SIGLEC5: variants seen among roughly 807,000 people sequenced by gnomAD.
SIGLEC5 encodes the protein sialic acid-binding Ig-like lectin 5.
SIGLEC5 carries 34 observed loss-of-function variants against 45.9 expected under a neutral mutation model. That is an observed-to-expected ratio of 0.74 (90% CI 0.56 to 0.99). SIGLEC5 has a LOEUF of 0.99. Among genes scored for constraint, SIGLEC5 ranks in the 50% least tolerant of loss-of-function variants. SIGLEC5 has a pLI of 0.00. For synonymous variants in SIGLEC5, 203 were observed against 258.6 expected (o/e 0.79, Z 2.06); for missense variants, 508 against 629.6 (o/e 0.81, Z 2.07).
intron 7 of SIGLEC5, among the ~76,000 whole-genome samples, chr19:51,626,445 G>A (rs1455937020): frequency 6.6e-6 from 1 of 152,104 alleles, no homozygotes; most frequent in African/African-American, 2.4e-5. Context: ...AATCAAATGC[G>A]TTCCATTTAT....
intron 8 of SIGLEC5, among the ~76,000 whole-genome samples, chr19:51,614,978 A>G (rs923202658): frequency 2.6e-5 from 4 of 151,950 alleles, no homozygotes; most frequent in African/African-American, 4.9e-5. Flanking sequence ...AAAAACAGAG[A>G]GGTTCATTAG....
chr19:51,623,031 A>G (rs1983349923), intron 8 of SIGLEC5, among the ~76,000 whole-genome samples: 1 of 152,166 alleles, frequency 6.6e-6, no homozygotes, highest in Admixed American at 6.5e-5. Flanking sequence ...ATGGACACTT[A>G]GGTTGCTTCT....
chr19:51,629,006 G>T, intron 4 of SIGLEC5, 32 bp downstream of exon 4: 2 of 1,605,958 alleles, frequency 1.2e-6, no homozygotes, highest in South Asian at 2.2e-5. Flanking sequence ...CCCAGAGGCA[G>T]GTCCCAGCTT....
chr19:51,628,854 C>T (rs1461688498), intron 4 of SIGLEC5, among the ~76,000 whole-genome samples, 184 bp downstream of exon 4: 2 of 137,786 alleles, frequency 1.5e-5, no homozygotes, highest in Non-Finnish European at 3.1e-5. Flanking sequence ...TGCATGTGTG[C>T]GTGTGTATGT....
At chr19:51,620,289 T>C (rs902410095) in intron 8 of SIGLEC5, among the ~76,000 whole-genome samples, 1 of 152,062 alleles carries the variant, frequency 6.6e-6, no homozygotes, top group Non-Finnish European at 1.5e-5. Flanking sequence ...CTCAATCTTA[T>C]CTTGATACCC....
At chr19:51,617,684 C>T (rs1324186221) in intron 8 of SIGLEC5, among the ~76,000 whole-genome samples, 1 of 151,776 alleles carries the variant, frequency 6.6e-6, no homozygotes, top group Non-Finnish European at 1.5e-5. Flanking sequence ...AACTGAAAAC[C>T]CACTGGGGGG....
chr19:51,622,417 G>A (rs961987428), intron 8 of SIGLEC5, among the ~76,000 whole-genome samples: 4 of 151,522 alleles, frequency 2.6e-5, no homozygotes, highest in African/African-American at 9.7e-5. Context: ...GGGATTACAG[G>A]CGTGAGCCAC....
intron 3 of SIGLEC5, 35 bp downstream of exon 3, chr19:51,629,323 C>T (rs1335536676): frequency 6.2e-7 from 1 of 1,612,212 alleles, no homozygotes; most frequent in African/African-American, 1.3e-5. Flanking sequence ...TCCCACTGCC[C>T]TTGAGGACTC....
At position 51,626,112 on chromosome 19, in the gene SIGLEC5, C is replaced by T; in HGVS notation, c.1384G>A (p.Val462Met). 1.9e-6 allele frequency: 3 copies of T among 1,613,588 alleles called. No individual in the cohort carries two copies. Among genetic ancestry groups the T allele is most frequent in the Non-Finnish European group, 2.5e-6 (3 of 1,179,988 alleles). ...ICLCLIFFLI[V>M]KARRKQAAGR... ...GCTGCTTGCTTCCTGCGGGCTTTCACTCTAAGGAAAGAAACCAGCACAGTG... is the reference window on the plus strand; with the variant it reads ...GCTGCTTGCTTCCTGCGGGCTTTCATTCTAAGGAAAGAAACCAGCACAGTG... Residue 462 changes from valine (V) to methionine (M), a missense_variant and splice_region_variant, in exon 8 of 9, where the codon GTG becomes ATG. This residue lies in a region of SIGLEC5 where 431 missense variants were observed against 428.8 expected (regional missense o/e 1.01). Coordinates refer to ENST00000683636, the MANE Select transcript of SIGLEC5 (RefSeq NM_003830.4).
At chr19:51,628,973 C>A in intron 4 of SIGLEC5, 65 bp downstream of exon 4, 1 of 1,467,704 alleles carries the variant, frequency 6.8e-7, no homozygotes, top group South Asian at 1.2e-5. Context: ...AGCTCTGATT[C>A]TCTACCTCTG....
chr19:51,626,248 G>T, intron 7 of SIGLEC5, 135 bp from the exon 8 acceptor site: 1 of 673,238 alleles, frequency 1.5e-6, no homozygotes, highest in Non-Finnish European at 2.6e-6. Flanking sequence ...AGACCTTCCT[G>T]ACTTCGGAGT....
chr19:51,615,068 T>A (rs1218153664), intron 8 of SIGLEC5, among the ~76,000 whole-genome samples: 2 of 152,172 alleles, frequency 1.3e-5, no homozygotes, highest in Non-Finnish European at 2.9e-5. Context: ...GACCATGCTG[T>A]GCCTCGCTTT....
At chr19:51,621,584 C>G (rs1983283324) in intron 8 of SIGLEC5, 1 of 152,216 alleles carries the variant, frequency 6.6e-6, no homozygotes, top group Non-Finnish European at 1.5e-5. Flanking sequence ...ATTACACTTG[C>G]ATCAAACCCA....
chr19:51,621,257 A>G (rs1468377172), intron 8 of SIGLEC5: 1 of 152,168 alleles, frequency 6.6e-6, no homozygotes, highest in African/African-American at 2.4e-5. Context: ...CAACCCCATC[A>G]ATATAGGAAA....
intron 8 of SIGLEC5, among the ~76,000 whole-genome samples, chr19:51,622,582 G>C (rs924736506): frequency 5.3e-5 from 8 of 152,126 alleles, no homozygotes; most frequent in African/African-American, 1.9e-4. Context: ...ATGACTCAGG[G>C]ACAGTAAAAT....
intron 8 of SIGLEC5, among the ~76,000 whole-genome samples, chr19:51,623,247 G>A (rs1983358679): frequency 6.6e-6 from 1 of 152,048 alleles, no homozygotes; most frequent in African/African-American, 2.4e-5. Context: ...ATCTTAGGAT[G>A]GGTGAAATTT....
At chr19:51,620,058 A>AATATACAT (rs1555788064) in intron 8 of SIGLEC5, among the ~76,000 whole-genome samples, 5 of 149,026 alleles carry the variant, frequency 3.4e-5, no homozygotes, top group Admixed American at 6.7e-5. Flanking sequence ...CTTTTGTCAA[A>AATATACAT]ATATATATAT....
chr19:51,625,548 G>A (rs1393867544), intron 8 of SIGLEC5, among the ~76,000 whole-genome samples: 1 of 152,204 alleles, frequency 6.6e-6, no homozygotes, highest in Non-Finnish European at 1.5e-5. Flanking sequence ...GAAGGTTGGT[G>A]GCCGGGCGCG....
chr19:51,618,798 A>C lies in SIGLEC5; in HGVS notation c.1465-6376T>G, dbSNP rs998844323. Among the ~76,000 whole-genome samples, 7 of 146,346 alleles carry C rather than the reference A, an allele frequency of 4.8e-5. 1 individual carries two copies. The highest frequency in any genetic ancestry group is 1.8e-4 in the African/African-American group (7 of 37,912). On this transcript the variant is annotated intron_variant, in intron 8 of 8. Transcript: ENST00000683636. ...CAGAGTGAGACTCTGTCTCCAAAAA[A>C]AAAAAAAAAAAAAAAAAAGCACCAC...
Sources: allele counts gnomAD v4.1 joint callset (sites outside exome capture counted in the v4.1 genomes callset), GRCh38; gene constraint gnomAD v4.1.1; regional missense constraint gnomAD v4.1.1; transcripts MANE v1.5; gene names NCBI Gene and HGNC (gene_info 2026-07-23, HGNC 2026-07-21).